The following NUP214 variants were observed in gnomAD, a reference collection of about 807,000 sequenced individuals.
NUP214 encodes nuclear pore complex protein Nup214.
A neutral mutation model predicts 196.2 loss-of-function variants in NUP214; 79 were observed. The ratio of observed to expected loss-of-function variants is 0.40; its 90% CI spans 0.34 to 0.49. NUP214 has a LOEUF of 0.49. Ranked by LOEUF, NUP214 falls within the 20% of genes least tolerant of loss-of-function variation. NUP214 has a pLI of 0.58. For synonymous variants in NUP214, 1,020 were observed against 990.5 expected, an observed-to-expected ratio of 1.03 and a Z score of -0.56; for missense variants, 2,468 against 2,539.0, an observed-to-expected ratio of 0.97 and a Z score of 0.60.
At chr9:131,161,291 T>C (rs937463181) in intron 18 of NUP214, among the ~76,000 whole-genome samples, 1 of 150,724 alleles carries the variant, frequency 6.6e-6, no homozygotes, top group Non-Finnish European at 1.5e-5. Context: ...TAAGTCTCGC[T>C]GTGTCACCCA....
In NUP214 at chr9:131,164,132, T is replaced by C; in HGVS notation, c.2881T>C (p.Ser961Pro). Residue 961 changes from serine (S) to proline (P), a missense_variant, in exon 21 of 36, where the codon TCC becomes CCC. Around this residue, in one of 5 missense-constraint regions of NUP214, gnomAD observed 1,801 missense variants for 1,779.4 expected, o/e 1.01. Coordinates refer to ENST00000359428, the MANE Select transcript of NUP214 (RefSeq NM_005085.4). ...LAKRKTPPVR[S>P]TAPASLSRSA... is the part of the protein sequence containing the mutation. ...CAAGAGGAAGACCCCACCAGTGAGA[T>C]CCACTGCTCCAGGTAAAGAGAACCA... The C allele has an allele frequency of 6.2e-7, 1 of 1,614,020 alleles. No individual in the cohort carries two copies. The highest frequency in any genetic ancestry group is 8.5e-7 in the Non-Finnish European group (1 of 1,179,966).
intron 4 of NUP214, among the ~76,000 whole-genome samples, chr9:131,130,137 G>GTTTTTTATTTTTTT (rs1831490980): frequency 6.5e-5 from 5 of 76,928 alleles, no homozygotes; most frequent in African/African-American, 2.5e-4. Context: ...TTCTGGTTTT[G>GTTTTTTATTTTTTT]TTTTTTTTTT....
chr9:131,184,632 G>T (rs1833399263), intron 24 of NUP214, among the ~76,000 whole-genome samples: 1 of 152,020 alleles, frequency 6.6e-6, no homozygotes, highest in African/African-American at 2.4e-5. Context: ...CACCGTGCCT[G>T]GCCTATTTTT....
intron 21 of NUP214, among the ~76,000 whole-genome samples, chr9:131,166,595 C>T (rs549312899): frequency 3.3e-5 from 5 of 152,238 alleles, no homozygotes; most frequent in Admixed American, 3.3e-4. Flanking sequence ...TTGTGAAAAA[C>T]AACACACATT....
chr9:131,136,004 C>A lies in NUP214; in HGVS notation c.1003C>A (p.Gln335Lys), dbSNP rs762427456. The change falls in exon 9 of 36, where the codon CAG (glutamine) becomes AAG (lysine). Residue 335 changes from glutamine to lysine, a missense_variant and splice_region_variant. By Grantham distance (53) the Gln-to-Lys change is moderately conservative (BLOSUM62 1). This residue lies in a region of NUP214 where 392 missense variants were observed against 417.9 expected (regional missense o/e 0.94). Transcript: ENST00000359428. ...EVSILARQSD[Q>K]INWESWLLED... ...TAGTATCCTTGCTCGACAAAGTGATCAGGTAAATCTCTTTTTTGTCACTTC... is the reference window on the plus strand; with the variant it reads ...TAGTATCCTTGCTCGACAAAGTGATAAGGTAAATCTCTTTTTTGTCACTTC... 7 of 1,610,178 alleles carry A rather than the reference C, an allele frequency of 4.3e-6. No homozygotes were observed. The highest frequency in any genetic ancestry group is 3.4e-6 in the Non-Finnish European group (4 of 1,176,594).
chr9:131,164,033 C>A (rs1168507188), intron 20 of NUP214, 28 bp from the exon 21 acceptor site: 1 of 1,613,710 alleles, frequency 6.2e-7, no homozygotes, highest in South Asian at 1.1e-5. Flanking sequence ...GAGTCTTAAT[C>A]ATTTATGGGT....
At chr9:131,138,603 T>TA (rs1279911560) in intron 9 of NUP214, among the ~76,000 whole-genome samples, 1 of 152,200 alleles carries the variant, frequency 6.6e-6, no homozygotes, top group African/African-American at 2.4e-5. Flanking sequence ...GGCAAAATGT[T>TA]AGTGATTTTA....
chr9:131,147,934 C>T (rs1307548496), intron 14 of NUP214, among the ~76,000 whole-genome samples: 1 of 152,216 alleles, frequency 6.6e-6, no homozygotes. Context: ...TGCCTGTAAT[C>T]CCAGCACTTT....
chr9:131,139,259 T>TC lies in NUP214; in HGVS notation c.1006-22_1006-21insC. On this transcript the variant is annotated intron_variant, in intron 9 of 35. Transcript: ENST00000359428. Reference sequence around the variant, plus strand: ...TTCTTTTTTCTTCTTCTTCTTCTTTTTTTTTTTTTTTTTTTTTTTAGATTA... The same window carrying TC: ...TTCTTTTTTCTTCTTCTTCTTCTTTTCTTTTTTTTTTTTTTTTTTTAGATTA... The TC allele has an allele frequency of 4.1e-6, 5 of 1,232,556 alleles. No individual in the cohort carries two copies. The African/African-American group carries it at 7.9e-5, about 20-fold the overall frequency. 76.4% of individuals were successfully genotyped at this position (1,232,556 alleles called of 1,614,324 possible). A position where few individuals can be genotyped will look rare whatever the true frequency, so the allele number is the denominator to read the frequency against.
intron 27 of NUP214, 45 bp from the exon 28 acceptor site, chr9:131,195,188 T>G: frequency 2.2e-6 from 3 of 1,377,896 alleles, no homozygotes; most frequent in Non-Finnish European, 3.1e-6. Context: ...GGCAATATTG[T>G]GCCTTGGTTT....
At chr9:131,139,834 C>T (rs1055821704) in intron 10 of NUP214, among the ~76,000 whole-genome samples, 1 of 152,220 alleles carries the variant, frequency 6.6e-6, no homozygotes, top group African/African-American at 2.4e-5. Context: ...ACCTCAGGCC[C>T]ATGGTTTCCA....
chr9:131,171,979 G>A, intron 21 of NUP214, among the ~76,000 whole-genome samples: 2 of 152,036 alleles, frequency 1.3e-5, no homozygotes, highest in African/African-American at 4.8e-5. Flanking sequence ...TTGGTTCCAA[G>A]TCTTTGCTAT....
chr9:131,177,196 A>G (rs1177875223), intron 23 of NUP214, among the ~76,000 whole-genome samples: 1 of 152,262 alleles, frequency 6.6e-6, no homozygotes, highest in Non-Finnish European at 1.5e-5. Context: ...AAGATTGTAA[A>G]GAAAAATTCA....
At chr9:131,211,806 T>C (rs1834247972) in intron 30 of NUP214, among the ~76,000 whole-genome samples, 1 of 152,188 alleles carries the variant, frequency 6.6e-6, no homozygotes, top group Non-Finnish European at 1.5e-5. Context: ...GTATGTTGCC[T>C]CAGGACCCTG....
intron 24 of NUP214, among the ~76,000 whole-genome samples, chr9:131,181,491 A>G (rs915189741): frequency 2.6e-5 from 4 of 152,212 alleles, no homozygotes; most frequent in Non-Finnish European, 5.9e-5. Flanking sequence ...ACCAACACTC[A>G]TTATTGACTA....
intron 21 of NUP214, 55 bp downstream of exon 21, chr9:131,164,199 G>A (rs546456131): frequency 6.5e-7 from 1 of 1,530,228 alleles, no homozygotes; most frequent in Non-Finnish European, 9.1e-7. Context: ...GGTGGGGTGT[G>A]TGTGTGTGCG....
At chr9:131,212,266 T>C (rs1163851484) in intron 30 of NUP214, among the ~76,000 whole-genome samples, 1 of 152,212 alleles carries the variant, frequency 6.6e-6, no homozygotes, top group Non-Finnish European at 1.5e-5. Context: ...GCATGCCCAG[T>C]GGGACATGAA....
At chr9:131,130,161 T>TTTTTTTTTTTTTTTTTG (rs1554728091) in intron 4 of NUP214, among the ~76,000 whole-genome samples, 2 of 136,410 alleles carry the variant, frequency 1.5e-5, no homozygotes, top group Non-Finnish European at 3.2e-5. Flanking sequence ...GTTTTTTTTT[T>TTTTTTTTTTTTTTTTTG]GAGACAGAGT....
At chr9:131,228,090 C>T in intron 32 of NUP214, 70 bp from the exon 33 acceptor site, 1 of 1,400,154 alleles carries the variant, frequency 7.1e-7, no homozygotes, top group Non-Finnish European at 9.5e-7. Flanking sequence ...TCTCATTGCT[C>T]AATGTCTTCT....
Sources: gnomAD v4.1 joint callset for allele counts (sites outside exome capture counted in the v4.1 genomes callset) on GRCh38, gnomAD v4.1.1 for gene constraint, gnomAD v4.1.1 regional missense constraint, MANE v1.5 for transcripts, NCBI Gene and HGNC (gene_info 2026-07-23, HGNC 2026-07-21) for gene names.